Variants in MEI4 observed in about 807,000 individuals in gnomAD.
MEI4 encodes meiosis-specific protein MEI4.
MEI4 carries 27 observed loss-of-function variants against 31.4 expected under a neutral mutation model. The observed-to-expected ratio is 0.86, with a 90% CI of 0.63 to 1.19. MEI4 has a LOEUF of 1.19. Ranked by LOEUF, MEI4 falls within the 50% of genes most tolerant of loss-of-function variation. The probability of loss-of-function intolerance (pLI) is 0.00; values close to 1 mark genes in which losing one functional copy is unlikely to be tolerated. For missense variants in MEI4, 329 were observed against 398.9 expected (o/e 0.82, Z 1.49); for synonymous variants, 122 against 145.4 (o/e 0.84, Z 1.16).
rs534036272 is a variant in MEI4, at chr6:77,907,769, T to G, written c.901-15320T>G. Among the ~76,000 whole-genome samples, 3 of 152,224 alleles carry G rather than the reference T, an allele frequency of 2.0e-5. No homozygotes were observed. In the South Asian group the frequency reaches 6.2e-4, roughly 32 times the overall value. ...AACTACTTTACAGTCCCACCAACAG[T>G]GTAAAAGTGCTCCTATTTCTCCACA... On this transcript the variant is annotated intron_variant, in intron 4 of 4. Transcript: ENST00000684080.
intron 1 of MEI4, among the ~76,000 whole-genome samples, chr6:77,656,966 A>G (rs1768408979): frequency 6.6e-6 from 1 of 152,224 alleles, no homozygotes; most frequent in African/African-American, 2.4e-5. Context: ...TGATTGCTGT[A>G]TGAATACAAG....
rs1024255169 is a variant in MEI4, at chr6:77,926,150, T to G, written c.*2804T>G. On this transcript the variant is annotated 3_prime_UTR_variant, in exon 5 of 5. Transcript: ENST00000684080. ...TTCAGTAAACTTTCACAAACACAGCTTCTTTGCAATTGTCATCAAAGCTTT... is the reference window on the plus strand; with the variant it reads ...TTCAGTAAACTTTCACAAACACAGCGTCTTTGCAATTGTCATCAAAGCTTT... 3 of 151,952 alleles carry G rather than the reference T, an allele frequency of 2.0e-5. No homozygotes were observed. The highest frequency in any genetic ancestry group is 7.2e-5 in the African/African-American group (3 of 41,394). The allele number at this position is 151,952 out of a possible 1,614,324, so 9.4% of individuals were successfully genotyped here.
intron 4 of MEI4, among the ~76,000 whole-genome samples, chr6:77,884,751 C>T (rs1771580248): frequency 6.6e-6 from 1 of 152,158 alleles, no homozygotes; most frequent in Non-Finnish European, 1.5e-5. Flanking sequence ...GGTTTGGTTA[C>T]TATAGCCATG....
intron 2 of MEI4, among the ~76,000 whole-genome samples, chr6:77,694,521 T>C (rs1271326779): frequency 1.3e-5 from 2 of 152,066 alleles, no homozygotes; most frequent in Non-Finnish European, 2.9e-5. Flanking sequence ...TGTTTGGTTT[T>C]TTGTCCTTGT....
chr6:77,919,050 G>T (rs2127741814), intron 4 of MEI4, among the ~76,000 whole-genome samples: 1 of 152,042 alleles, frequency 6.6e-6, no homozygotes, highest in East Asian at 1.9e-4. Context: ...TTAATAATGG[G>T]AGACTTTAAC....
intron 2 of MEI4, among the ~76,000 whole-genome samples, chr6:77,750,332 G>T (rs1247809719): frequency 6.6e-6 from 1 of 152,180 alleles, no homozygotes; most frequent in East Asian, 1.9e-4. Context: ...TGGCAAACTG[G>T]ATAAAGAGTC....
At chr6:77,904,232 A>G (rs759084113) in intron 4 of MEI4, among the ~76,000 whole-genome samples, 5 of 152,062 alleles carry the variant, frequency 3.3e-5, no homozygotes, top group Admixed American at 1.3e-4. Flanking sequence ...TGTGGTTACC[A>G]TAAGACTCAC....
rs116707718 is a variant in MEI4, at chr6:77,823,046, A to G, written c.769-5885A>G. Among the ~76,000 whole-genome samples, 1,445 of 152,294 alleles carry G rather than the reference A, an allele frequency of 9.5e-3. 17 individuals are homozygous for G. Among genetic ancestry groups the G allele is most frequent in the African/African-American group, 0.032 (1,343 of 41,556 alleles). ...TATTTGCTGTAATGAATGAATGAAT[A>G]CATAACTAATTTCAACTATTATAGC... On this transcript the variant is annotated intron_variant, in intron 3 of 4. Coordinates refer to ENST00000684080, the MANE Select transcript of MEI4 (RefSeq NM_001322247.2).
chr6:77,848,879 A>C (rs548752498), intron 4 of MEI4, among the ~76,000 whole-genome samples: 2 of 152,224 alleles, frequency 1.3e-5, no homozygotes, highest in Non-Finnish European at 2.9e-5. Context: ...CAATATTGTG[A>C]TATTTATTGA....
intron 4 of MEI4, among the ~76,000 whole-genome samples, chr6:77,907,762 C>T (rs568437307): frequency 6.6e-6 from 1 of 152,258 alleles, no homozygotes; most frequent in South Asian, 2.1e-4. Flanking sequence ...TACAGTCCCA[C>T]CAACAGTGTA....
At chr6:77,905,168 C>A (rs1453870943) in intron 4 of MEI4, among the ~76,000 whole-genome samples, 2 of 151,956 alleles carry the variant, frequency 1.3e-5, no homozygotes, top group Non-Finnish European at 2.9e-5. Flanking sequence ...AAATTAGTCT[C>A]GGTTGGCAGT....
At chr6:77,737,955 G>T (rs1398579) in intron 2 of MEI4, among the ~76,000 whole-genome samples, 2 of 152,064 alleles carry the variant, frequency 1.3e-5, no homozygotes, top group Non-Finnish European at 2.9e-5. Context: ...TAGTAGCAAG[G>T]AAGGAAAGCT....
intron 3 of MEI4, among the ~76,000 whole-genome samples, chr6:77,778,863 G>C (rs931775349): frequency 4.6e-5 from 7 of 152,056 alleles, no homozygotes; most frequent in African/African-American, 1.4e-4. Flanking sequence ...GTGCTATTTA[G>C]AGATATAAGA....
chr6:77,680,796 C>T (rs904979370), intron 1 of MEI4, among the ~76,000 whole-genome samples: 2 of 152,150 alleles, frequency 1.3e-5, no homozygotes, highest in East Asian at 3.9e-4. Flanking sequence ...AGCCATGACA[C>T]ACTGTCAGTT....
intron 2 of MEI4, among the ~76,000 whole-genome samples, chr6:77,708,214 TGG>T (rs1260748505): frequency 6.6e-6 from 1 of 152,228 alleles, no homozygotes; most frequent in Non-Finnish European, 1.5e-5. Context: ...CCCAAGGCTT[TGG>T]GAGCCCACCC....
intron 2 of MEI4, among the ~76,000 whole-genome samples, chr6:77,696,669 G>A (rs1233465816): frequency 1.4e-3 from 215 of 150,740 alleles, no homozygotes; most frequent in African/African-American, 5.0e-3. Context: ...TGGTTTGCCA[G>A]TATTTTATTG....
intron 3 of MEI4, among the ~76,000 whole-genome samples, chr6:77,817,689 T>C (rs1339260054): frequency 6.6e-6 from 1 of 152,080 alleles, no homozygotes; most frequent in Non-Finnish European, 1.5e-5. Flanking sequence ...TAAAATGTGA[T>C]GTTATAATTT....
At chr6:77,890,862 T>A (rs1771750011) in intron 4 of MEI4, among the ~76,000 whole-genome samples, 1 of 152,162 alleles carries the variant, frequency 6.6e-6, no homozygotes, top group Non-Finnish European at 1.5e-5. Flanking sequence ...CTCCTTTGCC[T>A]GGCACATCTT....
At chr6:77,916,814 A>AT (rs1327226804) in intron 4 of MEI4, among the ~76,000 whole-genome samples, 1 of 151,034 alleles carries the variant, frequency 6.6e-6, no homozygotes, top group Non-Finnish European at 1.5e-5. Context: ...ACATGTGCAC[A>AT]TTGTGCAGGT....
Sources: gnomAD v4.1 joint callset for allele counts (sites outside exome capture counted in the v4.1 genomes callset) on GRCh38, gnomAD v4.1.1 for gene constraint, MANE v1.5 for transcripts, NCBI Gene and HGNC (gene_info 2026-07-23, HGNC 2026-07-21) for gene names.